Variants in ACYP2 observed in about 807,000 individuals in gnomAD.
ACYP2 encodes the protein acylphosphatase 2, also known as acylphosphatase-2.
A neutral mutation model predicts 11.2 loss-of-function variants in ACYP2; 12 were observed. The ratio of observed to expected loss-of-function variants is 1.08; its 90% CI spans 0.69 to 1.74. The LOEUF (loss-of-function observed/expected upper bound fraction) is 1.74. Ranked by LOEUF, ACYP2 falls within the 40% of genes most tolerant of loss-of-function variation. ACYP2 has a pLI of 0.00. For missense variants in ACYP2, 134 were observed against 101.9 expected, an observed-to-expected ratio of 1.31 and a Z score of -1.35; for synonymous variants, 43 against 32.2, an observed-to-expected ratio of 1.33 and a Z score of -1.13.
intron 6 of ACYP2, among the ~76,000 whole-genome samples, chr2:54,271,095 G>A (rs1194901149): frequency 1.3e-5 from 2 of 152,174 alleles, no homozygotes; most frequent in Non-Finnish European, 2.9e-5. Context: ...TCATTCCAGG[G>A]CATAGGCCAA....
chr2:54,255,733 T>G, intron 6 of ACYP2: 3 of 1,613,878 alleles, frequency 1.9e-6, no homozygotes, highest in South Asian at 2.2e-5. Context: ...TGCAATCACT[T>G]CAGACTCCGA....
intron 6 of ACYP2, among the ~76,000 whole-genome samples, chr2:54,203,548 AG>A: frequency 6.6e-6 from 1 of 152,294 alleles, no homozygotes; most frequent in African/African-American, 2.4e-5. Flanking sequence ...TATTGATTGT[AG>A]GGGAAAAATA....
intron 2 of ACYP2, among the ~76,000 whole-genome samples, chr2:54,041,312 G>T (rs181101070): frequency 6.6e-6 from 1 of 152,212 alleles, no homozygotes; most frequent in East Asian, 1.9e-4. Context: ...CCCAGAATAT[G>T]GGCATGATGC....
At chr2:54,139,798 T>A (rs1681499982) in intron 6 of ACYP2, among the ~76,000 whole-genome samples, 1 of 142,686 alleles carries the variant, frequency 7.0e-6, no homozygotes, top group South Asian at 2.7e-4. Context: ...TGTACTTTTC[T>A]GTCTATTTCC....
chr2:54,077,508 G>T (rs1026778548), intron 4 of ACYP2, among the ~76,000 whole-genome samples: 1 of 152,190 alleles, frequency 6.6e-6, no homozygotes, highest in Non-Finnish European at 1.5e-5. Context: ...ATTGCAGCAC[G>T]GCTGCTGGAG....
At chr2:54,073,473 A>C (rs1438648435) in intron 4 of ACYP2, among the ~76,000 whole-genome samples, 3 of 152,224 alleles carry the variant, frequency 2.0e-5, no homozygotes, top group Non-Finnish European at 4.4e-5. Flanking sequence ...TTGGAAAGGC[A>C]ATGCTTTCTT....
At chr2:54,063,369 G>T (rs1409299267) in intron 4 of ACYP2, among the ~76,000 whole-genome samples, 4 of 152,110 alleles carry the variant, frequency 2.6e-5, no homozygotes, top group African/African-American at 9.7e-5. Context: ...TAAAATAAAA[G>T]ACACTGGATT....
chr2:54,204,704 A>G (rs1158424641), intron 6 of ACYP2, among the ~76,000 whole-genome samples: 1 of 152,142 alleles, frequency 6.6e-6, no homozygotes, highest in Non-Finnish European at 1.5e-5. Flanking sequence ...CTTTGATCTA[A>G]AAAACTCAAT....
chr2:54,120,663 C>G (rs978802914), intron 4 of ACYP2, among the ~76,000 whole-genome samples: 5 of 152,226 alleles, frequency 3.3e-5, no homozygotes, highest in Non-Finnish European at 7.3e-5. Flanking sequence ...TGGGCTTACT[C>G]TGCCCACTTG....
rs139027536 is a variant in ACYP2, at chr2:54,256,502, C to T, written c.405-48186C>T. 4.7e-3 allele frequency among the ~76,000 whole-genome samples: 716 copies of T among 152,314 alleles called. 7 individuals are homozygous for T. Among genetic ancestry groups the T allele is most frequent in the African/African-American group, 0.016 (684 of 41,568 alleles). ...GTATCCGAGGCTTCTCCCTATTTCTCTACTGGGCTGACGTTATTTTTCATA... is the reference window on the plus strand; with the variant it reads ...GTATCCGAGGCTTCTCCCTATTTCTTTACTGGGCTGACGTTATTTTTCATA... On this transcript the variant is annotated intron_variant, in intron 6 of 6. Coordinates refer to ENST00000607452, the MANE Select transcript of ACYP2 (RefSeq NM_001320586.2).
At chr2:54,050,048 G>A (rs1675755569) in intron 2 of ACYP2, among the ~76,000 whole-genome samples, 1 of 152,076 alleles carries the variant, frequency 6.6e-6, no homozygotes, top group East Asian at 1.9e-4. Flanking sequence ...GTATTTCTGT[G>A]TACAGCAAGT....
chr2:54,013,973 C>T (rs757048556), intron 2 of ACYP2, among the ~76,000 whole-genome samples: 4 of 151,996 alleles, frequency 2.6e-5, no homozygotes, highest in Admixed American at 6.6e-5. Flanking sequence ...GCCTGGCCAA[C>T]GTGGTGAAGC....
chr2:54,251,208 T>G (rs1687207339), intron 6 of ACYP2, among the ~76,000 whole-genome samples: 1 of 152,230 alleles, frequency 6.6e-6, no homozygotes, highest in African/African-American at 2.4e-5. Context: ...AGTGTTTCTA[T>G]TCTTAGAAAA....
intron 4 of ACYP2, among the ~76,000 whole-genome samples, chr2:54,075,861 A>C (rs1677312925): frequency 6.6e-6 from 1 of 152,156 alleles, no homozygotes; most frequent in African/African-American, 2.4e-5. Context: ...TACCTCTAGA[A>C]GTTTCCCTTT....
At chr2:54,292,423 T>A (rs901444937) in intron 6 of ACYP2, among the ~76,000 whole-genome samples, 1 of 152,178 alleles carries the variant, frequency 6.6e-6, no homozygotes, top group Non-Finnish European at 1.5e-5. Context: ...AAAGATCTCA[T>A]TGATTTTATT....
intron 2 of ACYP2, among the ~76,000 whole-genome samples, chr2:53,986,598 G>A (rs1430401814): frequency 6.8e-6 from 1 of 147,344 alleles, no homozygotes; most frequent in Non-Finnish European, 1.5e-5. Flanking sequence ...CCAAAGTGCT[G>A]GAATTACAGG....
intron 6 of ACYP2, among the ~76,000 whole-genome samples, chr2:54,191,018 A>G (rs1016514245): frequency 6.6e-6 from 1 of 152,128 alleles, no homozygotes; most frequent in Non-Finnish European, 1.5e-5. Context: ...TACTTGCAAA[A>G]TATATCTGGA....
intron 6 of ACYP2, among the ~76,000 whole-genome samples, chr2:54,233,318 T>G (rs911948608): frequency 1.3e-5 from 2 of 150,908 alleles, no homozygotes; most frequent in African/African-American, 4.9e-5. Flanking sequence ...TTTTTTTTTT[T>G]TTTTTTGAGA....
At chr2:54,083,265 C>G (rs1026766028) in intron 4 of ACYP2, among the ~76,000 whole-genome samples, 1 of 152,138 alleles carries the variant, frequency 6.6e-6, no homozygotes, top group Non-Finnish European at 1.5e-5. Context: ...TGATGTCTCT[C>G]TTGAGGGCTA....
Sources: gnomAD v4.1 joint callset for allele counts (sites outside exome capture counted in the v4.1 genomes callset) on GRCh38, gnomAD v4.1.1 for gene constraint, MANE v1.5 for transcripts, NCBI Gene and HGNC (gene_info 2026-07-23, HGNC 2026-07-21) for gene names.